The following FOXP3 variants were observed in gnomAD, a reference collection of about 807,000 sequenced individuals.
FOXP3 encodes forkhead box protein P3.
A neutral mutation model predicts 31.2 loss-of-function variants in FOXP3; 5 were observed. That is an observed-to-expected ratio of 0.16 (90% CI 0.08 to 0.34). The LOEUF (loss-of-function observed/expected upper bound fraction) is 0.34, where lower values mean the gene tolerates loss of function less well. FOXP3 is among the 10% of genes least tolerant of loss of function. FOXP3 has a pLI of 1.00. For synonymous variants in FOXP3, 141 were observed against 148.8 expected (o/e 0.95, Z 0.38); for missense variants, 251 against 363.0 (o/e 0.69, Z 2.51).
chrX:49,256,207 TGAGAGAGAGAGAAAGAGA>T (rs1324553048), intron 6 of FOXP3, among the ~76,000 whole-genome samples: 1 of 82,791 alleles, frequency 1.2e-5, no homozygotes, highest in African/African-American at 4.4e-5. Context: ...TGTGTGTGTG[TGAGAGAGAGAGAAAGAGA>T]GAGAGAGAGA....
At chrX:49,256,449 G>C (rs782439584) in intron 6 of FOXP3, among the ~76,000 whole-genome samples, 13 of 111,072 alleles carry the variant, frequency 1.2e-4, no homozygotes, top group Non-Finnish European at 2.1e-4. Context: ...CAGGAACTGG[G>C]AGATTTTGAT....
intron 6 of FOXP3, 62 bp downstream of exon 6, chrX:49,256,689 G>C: frequency 1.0e-6 from 1 of 975,427 alleles, no homozygotes; most frequent in East Asian, 3.0e-5. Flanking sequence ...GCTGAGATCT[G>C]CACCCTAGAC....
intron 7 of FOXP3, 53 bp downstream of exon 7, chrX:49,255,661 CA>C: frequency 1.7e-6 from 2 of 1,155,188 alleles, no homozygotes; most frequent in Non-Finnish European, 2.3e-6. Flanking sequence ...ACATGGTGGA[CA>C]GAAGGTTTTG....
At chrX:49,256,214 GAGAGAA>G (rs1222019179) in intron 6 of FOXP3, among the ~76,000 whole-genome samples, 7 of 64,904 alleles carry the variant, frequency 1.1e-4, no homozygotes, top group East Asian at 4.9e-4. Flanking sequence ...GTGTGAGAGA[GAGAGAA>G]AGAGAGAGAG....
At position 49,258,388 on chromosome X, in the gene FOXP3, C is replaced by G; in HGVS notation, c.118G>C (p.Gly40Arg). Reference protein sequence around the residue: ...PKASDLLGARGPGGTFQGRDL... With the variant: ...PKASDLLGARRPGGTFQGRDL... Reference sequence around the variant, plus strand: ...CGGCCCTGGAAGGTTCCCCCTGGGCCCCGGGCCCCCAGCAGGTCTGAGGCT... The same window carrying G: ...CGGCCCTGGAAGGTTCCCCCTGGGCGCCGGGCCCCCAGCAGGTCTGAGGCT... The change falls in exon 2 of 12, where the codon GGC becomes CGC. Residue 40 changes from glycine (G) to arginine (R), a missense_variant. Around this residue, in one of 4 missense-constraint regions of FOXP3, gnomAD observed 152 missense variants for 188.1 expected, o/e 0.81. Transcript: ENST00000376207. The G allele has an allele frequency of 8.5e-7, 1 of 1,170,305 alleles. No individual in the cohort carries two copies. The highest frequency in any genetic ancestry group is 1.1e-6 in the Non-Finnish European group (1 of 873,765).
In FOXP3 at chrX:49,258,351, C is replaced by A. The variant is rs17847095; in HGVS notation, c.155G>T (p.Gly52Val). The A allele has an allele frequency of 7.0e-4, 813 of 1,165,784 alleles. 9 individuals are homozygous for A. The East Asian group carries it at 0.026, about 37-fold the overall frequency. The change falls in exon 2 of 12, where the codon GGC becomes GTC. Residue 52 changes from glycine to valine, a missense_variant. Around this residue, in one of 4 missense-constraint regions of FOXP3, gnomAD observed 152 missense variants for 188.1 expected, o/e 0.81. Coordinates refer to ENST00000376207, the MANE Select transcript of FOXP3 (RefSeq NM_014009.4). ...GGTFQGRDLR[G>V]GAHASSSSLN... is the part of the protein sequence containing the mutation. ...GGAAGAAGAGGAGGCATGGGCCCCG[C>A]CTCGAAGATCTCGGCCCTGGAAGGT...
At position 49,251,390 on chromosome X, in the gene FOXP3, G is replaced by A. The variant is rs781854593; in HGVS notation, c.1240C>T (p.Arg414Cys). 6.8e-5 allele frequency: 82 copies of A among 1,209,894 alleles called. No individual in the cohort carries two copies. The highest frequency in any genetic ancestry group is 9.0e-5 in the Non-Finnish European group (81 of 895,074). Reference protein sequence around the residue: ...AVWTVDELEFRKKRSQRPSRC... With the variant: ...AVWTVDELEFCKKRSQRPSRC... ...CTGGGCCTCTGGCTCCGTTTCTTGCGGAACTCCAGCTCATCCACGGTCCAC... is the reference window on the plus strand; with the variant it reads ...CTGGGCCTCTGGCTCCGTTTCTTGCAGAACTCCAGCTCATCCACGGTCCAC... The change falls in exon 12 of 12, where the codon CGC becomes TGC. Residue 414 changes from arginine (R) to cysteine (C), a missense_variant. Physicochemically the swap from Arg to Cys is radical, Grantham distance 180 (BLOSUM62 -3). This residue lies in a region of FOXP3 where 36 missense variants were observed against 88.1 expected (regional missense o/e 0.41). Coordinates refer to ENST00000376207, the MANE Select transcript of FOXP3 (RefSeq NM_014009.4).
At chrX:49,259,441 A>G (rs1215592667) in intron 1 of FOXP3, among the ~76,000 whole-genome samples, 1 of 109,905 alleles carries the variant, frequency 9.1e-6, no homozygotes, top group African/African-American at 3.3e-5. Context: ...GGGTCTCTTG[A>G]GCTGGGGCCT....
At chrX:49,258,749 G>A (rs915018781) in intron 1 of FOXP3, among the ~76,000 whole-genome samples, 2 of 110,976 alleles carry the variant, frequency 1.8e-5, no homozygotes, top group South Asian at 3.8e-4. Flanking sequence ...CATGCCCCAC[G>A]TGCAGAGGTC....
intron 8 of FOXP3, 104 bp from the exon 9 acceptor site, chrX:49,254,171 G>A (rs891639149): frequency 7.6e-5 from 74 of 974,984 alleles, no homozygotes; most frequent in Non-Finnish European, 8.9e-5. Flanking sequence ...TTGCTCTGTC[G>A]CCCAGGCTGG....
intron 1 of FOXP3, among the ~76,000 whole-genome samples, chrX:49,264,169 G>C (rs1405271865): frequency 3.6e-5 from 4 of 111,215 alleles, no homozygotes; most frequent in Non-Finnish European, 7.5e-5. Flanking sequence ...GAGGCCAGGA[G>C]AGATGCGGGG....
At chrX:49,259,006 G>A (rs2066094215) in intron 1 of FOXP3, among the ~76,000 whole-genome samples, 1 of 112,330 alleles carries the variant, frequency 8.9e-6, no homozygotes, top group Non-Finnish European at 1.9e-5. Context: ...GCTGTGAGTG[G>A]GGCTAGTGAG....
intron 1 of FOXP3, among the ~76,000 whole-genome samples, chrX:49,259,833 G>A (rs1251722569): frequency 1.8e-5 from 2 of 111,722 alleles, no homozygotes; most frequent in East Asian, 5.6e-4. Context: ...AAGTGTTTCC[G>A]TGTGCACATT....
At chrX:49,256,224 G>A (rs1952701568) in intron 6 of FOXP3, among the ~76,000 whole-genome samples, 2 of 3,960 alleles carry the variant, frequency 5.1e-4, no homozygotes, top group African/African-American at 1.1e-3. Context: ...GAGAGAAAGA[G>A]AGAGAGAGAG....
Position 49,255,524 on chromosome X carries a change from A to G in FOXP3, c.736-15T>C. On this transcript the variant is annotated splice_polypyrimidine_tract_variant and intron_variant, in intron 7 of 11. Coordinates refer to ENST00000376207, the MANE Select transcript of FOXP3 (RefSeq NM_014009.4). The stretch of plus-strand genomic sequence containing the variant: ...TCCAGCACCAGCTGTGAAATGGCAC[A>G]AACATGAGGCCTCAGCCTGGCCCTT... 8.4e-7 allele frequency: 1 copy of G among 1,186,187 alleles called. No homozygotes were observed. Among genetic ancestry groups the G allele is most frequent in the Non-Finnish European group, 1.1e-6 (1 of 879,962 alleles).
In FOXP3 at chrX:49,258,451, A is replaced by G. The variant is rs2147949715; in HGVS notation, c.55T>C (p.Ser19Pro). The G allele has an allele frequency of 1.7e-6, 2 of 1,190,356 alleles. No homozygotes were observed. The highest frequency in any genetic ancestry group is 6.1e-5 in the East Asian group (2 of 33,025). ...PSAPSLALGP[S>P]PGASPSWRAA... ...CTCCAGCTGGGCGAGGCTCCTGGGG[A>G]TGGGCCAAGGGCCAAGGAAGGGGCC... is the stretch of plus-strand genomic sequence containing the variant. Residue 19 changes from serine (S) to proline (P), a missense_variant, in exon 2 of 12, where the codon TCC becomes CCC. Ser to Pro is a moderately conservative substitution (Grantham distance 74). This residue lies in a region of FOXP3 where 152 missense variants were observed against 188.1 expected (regional missense o/e 0.81). Coordinates refer to ENST00000376207, the MANE Select transcript of FOXP3 (RefSeq NM_014009.4).
rs782430715 is a variant in FOXP3 at position 49,256,859 on chromosome X, G to A, written c.543-4C>T. 20 of 1,209,923 alleles carry A rather than the reference G, an allele frequency of 1.7e-5. No individual in the cohort carries two copies. The highest frequency in any genetic ancestry group is 2.1e-5 in the Non-Finnish European group (19 of 893,493). On this transcript the variant is annotated splice_region_variant and splice_polypyrimidine_tract_variant and intron_variant, in intron 5 of 11. Transcript: ENST00000376207. ...CTGGGGCACAGCCGAAAGGGTGCTG[G>A]GGGGACAGAGGGTGTCAGGGGAGGG...
intron 10 of FOXP3, 79 bp from the exon 11 acceptor site, chrX:49,251,844 C>G (rs1022817617): frequency 2.9e-5 from 34 of 1,167,219 alleles, no homozygotes; most frequent in Non-Finnish European, 2.7e-5. Flanking sequence ...CCCGAGCCAT[C>G]TGACATGGGG....
intron 1 of FOXP3, among the ~76,000 whole-genome samples, chrX:49,263,017 T>C (rs1419328908): frequency 1.8e-5 from 2 of 109,786 alleles, no homozygotes; most frequent in Non-Finnish European, 3.8e-5. Context: ...CATAAACAAA[T>C]AGAAAAAAAG....
Sources: gnomAD v4.1 joint callset for allele counts (sites outside exome capture counted in the v4.1 genomes callset) on GRCh38, gnomAD v4.1.1 for gene constraint, gnomAD v4.1.1 regional missense constraint, MANE v1.5 for transcripts, NCBI Gene and HGNC (gene_info 2026-07-23, HGNC 2026-07-21) for gene names.